Variants in GALNT13 observed in about 807,000 individuals in gnomAD.
GALNT13 encodes the protein UDP-GalNAc:polypeptide N-acetylgalactosaminyltransferase 13.
Under a neutral mutation model 64.2 loss-of-function variants are expected in GALNT13, and 28 were observed. The ratio of observed to expected loss-of-function variants is 0.44; its 90% CI spans 0.32 to 0.60. GALNT13 has a LOEUF of 0.60. Ranked by LOEUF, GALNT13 falls within the 20% of genes least tolerant of loss-of-function variation. The probability of loss-of-function intolerance (pLI) is 0.05; values close to 1 mark genes in which losing one functional copy is unlikely to be tolerated. For synonymous variants in GALNT13, 214 were observed against 224.6 expected (o/e 0.95, Z 0.42); for missense variants, 577 against 669.8 (o/e 0.86, Z 1.53).
chr2:153,874,314 C>T (rs546885308), intron 1 of GALNT13, among the ~76,000 whole-genome samples: 1 of 151,932 alleles, frequency 6.6e-6, no homozygotes, highest in East Asian at 2.0e-4. Flanking sequence ...CCTTCAATTC[C>T]ATGGAGAATT....
intron 3 of GALNT13, among the ~76,000 whole-genome samples, chr2:154,097,700 A>G (rs1256313295): frequency 6.6e-6 from 1 of 151,702 alleles, no homozygotes; most frequent in Non-Finnish European, 1.5e-5. Context: ...AGAAAAAAAA[A>G]TACATATTAG....
the GALNT13 span, among the ~76,000 whole-genome samples, chr2:153,610,778 TA>T: frequency 6.6e-6 from 1 of 152,028 alleles, no homozygotes. Flanking sequence ...GTGTGGAAGG[TA>T]AAAAACTAAA....
the GALNT13 span, among the ~76,000 whole-genome samples, chr2:153,751,331 C>T: frequency 6.6e-6 from 1 of 151,452 alleles, no homozygotes; most frequent in South Asian, 2.1e-4. Context: ...TCCATTTGGT[C>T]TCTAATGCAG....
At chr2:153,624,724 G>A in the GALNT13 span, among the ~76,000 whole-genome samples, 1 of 151,562 alleles carries the variant, frequency 6.6e-6, no homozygotes, top group African/African-American at 2.4e-5. Flanking sequence ...CAAACCTTGT[G>A]GTCTGCTCTA....
the GALNT13 span, among the ~76,000 whole-genome samples, chr2:153,105,060 A>G: frequency 6.6e-5 from 7 of 105,784 alleles, no homozygotes; most frequent in Non-Finnish European, 1.1e-4. Flanking sequence ...AACAATCCCC[A>G]GAGTGTGATG....
At chr2:154,455,030 C>T (rs902972475), downstream of GALNT13, among the ~76,000 whole-genome samples, 2 of 152,158 alleles carry the variant, frequency 1.3e-5, no homozygotes, top group African/African-American at 4.8e-5. Context: ...CCCAGTGGAG[C>T]TCTGTAAACT....
At chr2:154,173,433 C>A (rs2105707365) in intron 4 of GALNT13, among the ~76,000 whole-genome samples, 1 of 151,544 alleles carries the variant, frequency 6.6e-6, no homozygotes, top group Middle Eastern at 3.4e-3. Flanking sequence ...AGACCTGAAA[C>A]AATGGAAGTT....
the GALNT13 span, among the ~76,000 whole-genome samples, chr2:153,555,865 A>C: frequency 6.6e-6 from 1 of 152,332 alleles, no homozygotes; most frequent in Admixed American, 6.5e-5. Context: ...AGATTATAAG[A>C]AGATTATTAG....
chr2:154,145,826 C>T (rs561721612), intron 4 of GALNT13, among the ~76,000 whole-genome samples: 5 of 151,904 alleles, frequency 3.3e-5, no homozygotes, highest in Non-Finnish European at 5.9e-5. Context: ...AGTACGTGCT[C>T]ATTTATAAGG....
At chr2:153,783,380 T>G in the GALNT13 span, among the ~76,000 whole-genome samples, 1 of 151,466 alleles carries the variant, frequency 6.6e-6, no homozygotes, top group African/African-American at 2.4e-5. Flanking sequence ...AAGAATCATC[T>G]AAGAGATTTC....
rs542215541 is a variant in GALNT13, at chr2:154,152,098, C to T, written c.311+11593C>T. On this transcript the variant is annotated intron_variant, in intron 4 of 12. Transcript: ENST00000392825. ...TGTTCCTTTCCATGTTCAGTGCCTC[C>T]TTCAGGAGCTCTTTTAGGGCAGGCC... Among the ~76,000 whole-genome samples the T allele has an allele frequency of 1.2e-4, 18 of 152,282 alleles. No individual in the cohort carries two copies. The East Asian group carries it at 3.3e-3, about 28-fold the overall frequency.
the GALNT13 span, among the ~76,000 whole-genome samples, chr2:153,728,461 A>C: frequency 1.3e-5 from 2 of 152,212 alleles, no homozygotes; most frequent in African/African-American, 4.8e-5. Context: ...ACAAAGAGAC[A>C]ATGTATCAGA....
chr2:153,536,870 A>G, the GALNT13 span, among the ~76,000 whole-genome samples: 1 of 152,244 alleles, frequency 6.6e-6, no homozygotes, highest in African/African-American at 2.4e-5. Context: ...ACATTAAATT[A>G]TGATAGAAAT....
chr2:153,723,821 A>C, the GALNT13 span, among the ~76,000 whole-genome samples: 755 of 150,790 alleles, frequency 5.0e-3, 5 homozygotes, highest in African/African-American at 0.018. Context: ...AAACAAATGC[A>C]AGAACATTCC....
intron 1 of GALNT13, among the ~76,000 whole-genome samples, chr2:153,898,613 G>A (rs1221644781): frequency 6.6e-6 from 1 of 151,812 alleles, no homozygotes; most frequent in Non-Finnish European, 1.5e-5. Flanking sequence ...ACTTGATGAT[G>A]TACTAATCAA....
chr2:153,312,883 G>T, the GALNT13 span, among the ~76,000 whole-genome samples: 2 of 152,124 alleles, frequency 1.3e-5, no homozygotes, highest in African/African-American at 4.8e-5. Flanking sequence ...GTCTGAGATG[G>T]TGTAAATGAG....
chr2:153,228,471 C>A, the GALNT13 span, among the ~76,000 whole-genome samples: 7 of 152,096 alleles, frequency 4.6e-5, no homozygotes, highest in Admixed American at 6.6e-5. Flanking sequence ...GCTTTCAAAT[C>A]CAATCTAGAC....
the GALNT13 span, among the ~76,000 whole-genome samples, chr2:153,562,037 TC>T: frequency 2.6e-5 from 3 of 116,956 alleles, no homozygotes; most frequent in African/African-American, 1.1e-4. Flanking sequence ...CTCCTCTCTC[TC>T]TCTTTCTCTC....
chr2:153,205,550 T>C, the GALNT13 span, among the ~76,000 whole-genome samples: 2 of 152,124 alleles, frequency 1.3e-5, no homozygotes, highest in Admixed American at 6.5e-5. Flanking sequence ...TCTTATTATT[T>C]CTCAGAAAAA....
Sources: gnomAD v4.1 joint callset for allele counts (sites outside exome capture counted in the v4.1 genomes callset) on GRCh38, gnomAD v4.1.1 for gene constraint, MANE v1.5 for transcripts, NCBI Gene and HGNC (gene_info 2026-07-23, HGNC 2026-07-21) for gene names.